FBXL4: variants seen among roughly 807,000 people sequenced by gnomAD.
FBXL4 encodes the protein F-box and leucine rich repeat protein 4.
A neutral mutation model predicts 58.9 loss-of-function variants in FBXL4; 40 were observed. That is an observed-to-expected ratio of 0.68 (90% CI 0.53 to 0.88). The LOEUF (loss-of-function observed/expected upper bound fraction) is 0.88, where lower values mean the gene tolerates loss of function less well. Among genes scored for constraint, FBXL4 ranks in the 40% least tolerant of loss-of-function variants. FBXL4 has a pLI of 0.00. For missense variants in FBXL4, 676 were observed against 734.4 expected (o/e 0.92, Z 0.92); for synonymous variants, 263 against 265.5 (o/e 0.99, Z 0.09).
In FBXL4 at chr6:98,926,984, G is replaced by A. The variant is rs1424104448; in HGVS notation, c.5C>T (p.Ser2Leu). M[S>L]PVFPMLTVLT... ...AACTGTTAACATGGGAAAGACCGGTGACATCTAGATGTGAATTATGAAGCT... is the reference window on the plus strand; with the variant it reads ...AACTGTTAACATGGGAAAGACCGGTAACATCTAGATGTGAATTATGAAGCT... Residue 2 changes from serine (S) to leucine (L), a missense_variant, in exon 4 of 10, where the codon TCA (serine) becomes TTA (leucine). Coordinates refer to ENST00000369244, the MANE Select transcript of FBXL4 (RefSeq NM_001278716.2). 3 of 1,613,490 alleles carry A rather than the reference G, an allele frequency of 1.9e-6. No homozygotes were observed. The highest frequency in any genetic ancestry group is 2.2e-5 in the South Asian group (2 of 91,030).
Position 98,874,252 on chromosome 6 carries a change from A to T in FBXL4, c.*26T>A. 3 of 1,494,726 alleles carry T rather than the reference A, an allele frequency of 2.0e-6. No individual in the cohort carries two copies. Among genetic ancestry groups the T allele is most frequent in the Non-Finnish European group, 2.7e-6 (3 of 1,124,046 alleles). The allele number at this position is 1,494,726 out of a possible 1,614,324, so 92.6% of individuals were successfully genotyped here. A position where few individuals can be genotyped will look rare whatever the true frequency, so the allele number is the denominator to read the frequency against. On this transcript the variant is annotated 3_prime_UTR_variant, in exon 10 of 10. Coordinates refer to ENST00000369244, the MANE Select transcript of FBXL4 (RefSeq NM_001278716.2). ...AAATTAAACCCCAACAAAGCACATT[A>T]ATTTTAATACAGAACATATATTAAG...
chr6:98,945,432 CTT>C (rs1221048321), intron 1 of FBXL4, among the ~76,000 whole-genome samples: 7 of 152,088 alleles, frequency 4.6e-5, no homozygotes. Context: ...CAAAAGTAGA[CTT>C]AAATATATTT....
At chr6:98,891,199 G>C (rs1582382966) in intron 7 of FBXL4, among the ~76,000 whole-genome samples, 1 of 152,258 alleles carries the variant, frequency 6.6e-6, no homozygotes, top group East Asian at 1.9e-4. Context: ...AATTCTGACA[G>C]ATCTCTAAAA....
intron 5 of FBXL4, among the ~76,000 whole-genome samples, chr6:98,911,336 C>T (rs932743983): frequency 2.6e-5 from 4 of 152,176 alleles, no homozygotes; most frequent in Admixed American, 2.6e-4. Flanking sequence ...GTGGTTCTCC[C>T]AGCACGCAGC....
intron 8 of FBXL4, among the ~76,000 whole-genome samples, chr6:98,877,325 A>G (rs1770696649): frequency 6.6e-6 from 1 of 152,170 alleles, no homozygotes; most frequent in African/African-American, 2.4e-5. Flanking sequence ...TTACTTAGAA[A>G]AAAAAAATTT....
chr6:98,947,453 C>T (rs1340864591), intron 1 of FBXL4, among the ~76,000 whole-genome samples: 1 of 152,240 alleles, frequency 6.6e-6, no homozygotes, highest in African/African-American at 2.4e-5. Context: ...GCGTGGCTGC[C>T]GGCGCAGCAC....
chr6:98,944,280 A>G (rs1411447547), intron 1 of FBXL4, among the ~76,000 whole-genome samples: 1 of 152,206 alleles, frequency 6.6e-6, no homozygotes, highest in African/African-American at 2.4e-5. Flanking sequence ...AAGAAACACT[A>G]AAGAATAGAC....
chr6:98,921,173 GACT>G (rs1347372262), intron 4 of FBXL4, among the ~76,000 whole-genome samples: 1 of 152,106 alleles, frequency 6.6e-6, no homozygotes, highest in African/African-American at 2.4e-5. Context: ...TGTACTGGAT[GACT>G]ACTATGTGTC....
At chr6:98,934,616 T>C (rs1000646488) in intron 2 of FBXL4, 146 bp downstream of exon 2, 9 of 152,224 alleles carry the variant, frequency 5.9e-5, no homozygotes, top group African/African-American at 2.2e-4. Flanking sequence ...AGTGTCAGCA[T>C]GGAAACTACT....
chr6:98,941,547 G>A (rs762147000), intron 1 of FBXL4, among the ~76,000 whole-genome samples: 28 of 152,142 alleles, frequency 1.8e-4, no homozygotes, highest in Non-Finnish European at 3.8e-4. Flanking sequence ...ATTTGGTTAT[G>A]CACACGCTAG....
intron 5 of FBXL4, among the ~76,000 whole-genome samples, chr6:98,909,657 G>A (rs1425079196): frequency 6.6e-6 from 1 of 152,200 alleles, no homozygotes; most frequent in Non-Finnish European, 1.5e-5. Flanking sequence ...TCCTCCAGAT[G>A]AATTGCTCCC....
At chr6:98,904,066 T>G (rs558691871) in intron 6 of FBXL4, among the ~76,000 whole-genome samples, 51 of 152,292 alleles carry the variant, frequency 3.3e-4, no homozygotes, top group African/African-American at 1.2e-3. Context: ...ATGGTCTACA[T>G]AATGTAAAAT....
chr6:98,882,744 C>T (rs1163010212), intron 7 of FBXL4, among the ~76,000 whole-genome samples: 1 of 151,918 alleles, frequency 6.6e-6, no homozygotes, highest in African/African-American at 2.4e-5. Context: ...TGAAAATATA[C>T]AATTTTACTA....
chr6:98,944,148 A>G (rs1490194040), intron 1 of FBXL4, among the ~76,000 whole-genome samples: 1 of 152,264 alleles, frequency 6.6e-6, no homozygotes, highest in East Asian at 1.9e-4. Context: ...TATATCTATG[A>G]TAACAGAATG....
At chr6:98,892,070 A>G (rs895676278) in intron 7 of FBXL4, among the ~76,000 whole-genome samples, 2 of 152,342 alleles carry the variant, frequency 1.3e-5, no homozygotes, top group Non-Finnish European at 2.9e-5. Flanking sequence ...AAGGCCAATC[A>G]GGATACAGAA....
intron 7 of FBXL4, chr6:98,898,788 G>C (rs1031424300): frequency 1.0e-6 from 1 of 985,130 alleles, no homozygotes; most frequent in African/African-American, 1.7e-5. Flanking sequence ...ATGTCCTAGA[G>C]ATATTAGTGA....
chr6:98,907,234 G>A (rs561086214), intron 5 of FBXL4, among the ~76,000 whole-genome samples: 15 of 152,286 alleles, frequency 9.8e-5, no homozygotes, highest in Admixed American at 2.0e-4. Flanking sequence ...CCTCACAGAG[G>A]AGCTTGGATT....
At chr6:98,910,199 A>G (rs1210718387) in intron 5 of FBXL4, among the ~76,000 whole-genome samples, 4 of 152,160 alleles carry the variant, frequency 2.6e-5, no homozygotes, top group African/African-American at 9.7e-5. Context: ...TCTCACCCCT[A>G]GGAATATTTC....
chr6:98,905,756 A>T, intron 5 of FBXL4, 86 bp from the exon 6 acceptor site: 1 of 1,300,656 alleles, frequency 7.7e-7, no homozygotes, highest in Non-Finnish European at 1.1e-6. Context: ...ATAAGGAATA[A>T]AAGTGTCATA....
Sources: allele counts gnomAD v4.1 joint callset (sites outside exome capture counted in the v4.1 genomes callset), GRCh38; gene constraint gnomAD v4.1.1; transcripts MANE v1.5; gene names NCBI Gene and HGNC (gene_info 2026-07-23, HGNC 2026-07-21).